TMEM178A: variants seen among roughly 807,000 people sequenced by gnomAD.
TMEM178A encodes transmembrane protein 178A.
Under a neutral mutation model 29.1 loss-of-function variants are expected in TMEM178A, and 12 were observed. The ratio of observed to expected loss-of-function variants is 0.41; its 90% CI spans 0.26 to 0.67. The LOEUF is 0.67. Among genes scored for constraint, TMEM178A ranks in the 30% least tolerant of loss-of-function variants. The pLI, the probability that TMEM178A is intolerant of heterozygous loss-of-function variation, is 0.29. For synonymous variants in TMEM178A, 210 were observed against 187.2 expected (o/e 1.12, Z -0.99); for missense variants, 366 against 419.1 (o/e 0.87, Z 1.11).
At chr2:39,732,390 G>A in the TMEM178A span, among the ~76,000 whole-genome samples, 1 of 152,160 alleles carries the variant, frequency 6.6e-6, no homozygotes, top group African/African-American at 2.4e-5. Context: ...GACTGCCCCT[G>A]CAGCTCATGA....
At chr2:39,735,473 C>G in the TMEM178A span, among the ~76,000 whole-genome samples, 1 of 152,194 alleles carries the variant, frequency 6.6e-6, no homozygotes, top group Non-Finnish European at 1.5e-5. Flanking sequence ...CCCAGAGCAT[C>G]AGGTAAGCAC....
intron 1 of TMEM178A, among the ~76,000 whole-genome samples, chr2:39,686,028 C>T (rs777714637): frequency 6.6e-5 from 10 of 152,242 alleles, no homozygotes; most frequent in African/African-American, 1.4e-4. Flanking sequence ...CCTGCACATT[C>T]GTGCCTTGGT....
intron 1 of TMEM178A, among the ~76,000 whole-genome samples, chr2:39,694,864 A>C (rs1383871193): frequency 6.6e-6 from 1 of 152,138 alleles, no homozygotes; most frequent in Non-Finnish European, 1.5e-5. Context: ...TAGATTTACT[A>C]ATTAGTATCT....
At chr2:39,723,540 G>C in the TMEM178A span, among the ~76,000 whole-genome samples, 4 of 152,170 alleles carry the variant, frequency 2.6e-5, no homozygotes, top group African/African-American at 9.7e-5. Flanking sequence ...ATAAGAAGTG[G>C]CAGAGAAAGC....
At chr2:39,714,891 C>T (rs1672469603) in intron 3 of TMEM178A, among the ~76,000 whole-genome samples, 1 of 152,092 alleles carries the variant, frequency 6.6e-6, no homozygotes, top group Non-Finnish European at 1.5e-5. Flanking sequence ...AAGCTGAGTA[C>T]TAGATTCACT....
chr2:39,731,612 A>C, the TMEM178A span, among the ~76,000 whole-genome samples: 1 of 152,214 alleles, frequency 6.6e-6, no homozygotes, highest in Non-Finnish European at 1.5e-5. Flanking sequence ...ATATCTACCG[A>C]CATGACCCAA....
At chr2:39,705,865 C>G (rs1230957396) in intron 2 of TMEM178A, among the ~76,000 whole-genome samples, 4 of 152,182 alleles carry the variant, frequency 2.6e-5, no homozygotes, top group Non-Finnish European at 4.4e-5. Context: ...TGTGGATGAT[C>G]CACGTGCATT....
intron 1 of TMEM178A, among the ~76,000 whole-genome samples, chr2:39,667,141 T>C (rs898839738): frequency 2.6e-5 from 4 of 152,158 alleles, no homozygotes; most frequent in Admixed American, 2.6e-4. Context: ...GGAGAGAAAA[T>C]GTCCTCGCCC....
intron 1 of TMEM178A, among the ~76,000 whole-genome samples, chr2:39,693,671 T>C (rs1572672208): frequency 6.6e-6 from 1 of 152,304 alleles, no homozygotes; most frequent in East Asian, 1.9e-4. Flanking sequence ...GAATCCTCTG[T>C]AAGCCACATA....
intron 1 of TMEM178A, among the ~76,000 whole-genome samples, chr2:39,686,694 G>A (rs1164436567): frequency 2.7e-5 from 4 of 149,334 alleles, no homozygotes; most frequent in Admixed American, 6.7e-5. Flanking sequence ...AGATGGGGGG[G>A]CGGAGCTGTA....
chr2:39,680,744 A>C (rs1463803227), intron 1 of TMEM178A, among the ~76,000 whole-genome samples: 1 of 151,366 alleles, frequency 6.6e-6, no homozygotes, highest in Non-Finnish European at 1.5e-5. Flanking sequence ...TGATGAAAGA[A>C]AAAAACATGC....
intron 1 of TMEM178A, among the ~76,000 whole-genome samples, chr2:39,694,114 T>C (rs970677577): frequency 6.6e-6 from 1 of 151,130 alleles, no homozygotes; most frequent in Non-Finnish European, 1.5e-5. Context: ...TGCCTTTAAG[T>C]CTTGCCTGGA....
intron 1 of TMEM178A, among the ~76,000 whole-genome samples, chr2:39,691,452 A>G (rs1342437659): frequency 2.0e-5 from 3 of 152,226 alleles, no homozygotes; most frequent in African/African-American, 4.8e-5. Context: ...TACTTTTTAG[A>G]GTGCCTGTTG....
At chr2:39,670,962 GT>G (rs1670386484) in intron 1 of TMEM178A, among the ~76,000 whole-genome samples, 1 of 152,056 alleles carries the variant, frequency 6.6e-6, no homozygotes, top group Non-Finnish European at 1.5e-5. Flanking sequence ...AAATTAATGT[GT>G]TTTGTTTTTA....
chr2:39,670,414 A>AG (rs1298806707), intron 1 of TMEM178A, among the ~76,000 whole-genome samples: 1 of 152,220 alleles, frequency 6.6e-6, no homozygotes, highest in African/African-American at 2.4e-5. Flanking sequence ...CATAGAGTTT[A>AG]TTTCAAGTAG....
downstream of TMEM178A, among the ~76,000 whole-genome samples, chr2:39,721,027 T>C (rs1241271534): frequency 1.3e-5 from 2 of 152,242 alleles, no homozygotes; most frequent in Non-Finnish European, 1.5e-5. Flanking sequence ...TTTATGTGCA[T>C]GTGTGTTTCA....
chr2:39,732,325 T>C, the TMEM178A span, among the ~76,000 whole-genome samples: 3 of 152,102 alleles, frequency 2.0e-5, no homozygotes, highest in Admixed American at 6.6e-5. Flanking sequence ...CATGAGACCA[T>C]GGCTATGAGG....
intron 3 of TMEM178A, among the ~76,000 whole-genome samples, chr2:39,710,628 A>G (rs1324416705): frequency 1.3e-5 from 2 of 152,190 alleles, no homozygotes; most frequent in South Asian, 4.1e-4. Flanking sequence ...ACACTGAGAC[A>G]ACCATGTCAA....
intron 1 of TMEM178A, among the ~76,000 whole-genome samples, chr2:39,699,741 C>G (rs1671701014): frequency 6.6e-6 from 1 of 152,174 alleles, no homozygotes; most frequent in Admixed American, 6.5e-5. Context: ...CAGGCATGAG[C>G]TACTGTGCCA....
Sources: gnomAD v4.1 joint callset for allele counts (sites outside exome capture counted in the v4.1 genomes callset) on GRCh38, gnomAD v4.1.1 for gene constraint, MANE v1.5 for transcripts, NCBI Gene and HGNC (gene_info 2026-07-23, HGNC 2026-07-21) for gene names.